The following CCDC50 variants were observed in gnomAD, a reference collection of about 807,000 sequenced individuals.
CCDC50 encodes the protein coiled-coil domain containing 50, also known as coiled-coil domain-containing protein 50.
Under a neutral mutation model 70.2 loss-of-function variants are expected in CCDC50, and 54 were observed. The observed-to-expected ratio is 0.77, with a 90% CI of 0.62 to 0.96. The LOEUF is 0.96. Ranked by LOEUF, CCDC50 falls within the 50% of genes least tolerant of loss-of-function variation. The probability of loss-of-function intolerance (pLI) is 0.00; values close to 1 mark genes in which losing one functional copy is unlikely to be tolerated. For synonymous variants in CCDC50, 216 were observed against 198.8 expected (o/e 1.09, Z -0.73); for missense variants, 558 against 578.7 (o/e 0.96, Z 0.37).
At chr3:191,361,983 A>G (rs1712506721) in intron 4 of CCDC50, among the ~76,000 whole-genome samples, 1 of 152,162 alleles carries the variant, frequency 6.6e-6, no homozygotes, top group African/African-American at 2.4e-5. Context: ...GTTAAAAAAA[A>G]CTAATCAGTT....
chr3:191,368,283 G>C (rs963589924), intron 4 of CCDC50, among the ~76,000 whole-genome samples: 1 of 152,048 alleles, frequency 6.6e-6, no homozygotes, highest in Admixed American at 6.5e-5. Flanking sequence ...ATGTTAAGTA[G>C]GATTATGATA....
intron 5 of CCDC50, among the ~76,000 whole-genome samples, chr3:191,373,693 C>A (rs1560167474): frequency 6.6e-6 from 1 of 151,120 alleles, no homozygotes; most frequent in Non-Finnish European, 1.5e-5. Flanking sequence ...GGTAATTCTT[C>A]TGTTTTGCTT....
intron 4 of CCDC50, 76 bp downstream of exon 4, chr3:191,361,235 C>A: frequency 9.7e-7 from 1 of 1,030,292 alleles, no homozygotes; most frequent in Non-Finnish European, 1.5e-6. Flanking sequence ...TTCTGTAGGT[C>A]ACGGGCTCAA....
At chr3:191,353,962 C>T (rs1712189325) in intron 1 of CCDC50, among the ~76,000 whole-genome samples, 2 of 152,120 alleles carry the variant, frequency 1.3e-5, no homozygotes, top group South Asian at 4.1e-4. Flanking sequence ...GAATATACTT[C>T]AGTCTTGCTG....
At chr3:191,370,640 C>T (rs1712880856) in intron 5 of CCDC50, among the ~76,000 whole-genome samples, 1 of 151,880 alleles carries the variant, frequency 6.6e-6, no homozygotes, top group Non-Finnish European at 1.5e-5. Context: ...AGGCATGTGC[C>T]ACCACGCCTG....
intron 1 of CCDC50, among the ~76,000 whole-genome samples, chr3:191,335,025 A>G (rs1397384212): frequency 6.6e-6 from 1 of 152,204 alleles, no homozygotes; most frequent in Non-Finnish European, 1.5e-5. Flanking sequence ...AAAGAGGCTA[A>G]TATTTAAAGG....
At chr3:191,335,106 G>A (rs373548166) in intron 1 of CCDC50, among the ~76,000 whole-genome samples, 73 of 152,298 alleles carry the variant, frequency 4.8e-4, no homozygotes, top group African/African-American at 1.4e-3. Context: ...GCCCTTGTTA[G>A]GGACTTAACA....
chr3:191,346,077 T>C (rs1711911768), intron 1 of CCDC50, among the ~76,000 whole-genome samples: 4 of 152,178 alleles, frequency 2.6e-5, no homozygotes, highest in Admixed American at 2.6e-4. Context: ...TCTTCTTACA[T>C]TGGTGTTCAG....
In CCDC50 at chr3:191,358,010, T is replaced by G; in HGVS notation, c.125T>G (p.Leu42Trp). Residue 42 changes from leucine to tryptophan, a missense_variant, in exon 3 of 12, where the codon TTG (leucine) becomes TGG (tryptophan). Leu to Trp is a moderately conservative substitution (Grantham distance 61). Coordinates refer to ENST00000392455, the MANE Select transcript of CCDC50 (RefSeq NM_178335.3). ...CTTTTTGTTCCAGTTGAGCATCATT[T>G]GGCATCGAACGTTCAGCGGAACCGT... ...SLQEQEIEHH[L>W]ASNVQRNRLV... is the part of the protein sequence containing the mutation. 6.2e-7 allele frequency: 1 copy of G among 1,614,016 alleles called. No individual in the cohort carries two copies. The highest frequency in any genetic ancestry group is 2.2e-5 in the East Asian group (1 of 44,882).
chr3:191,359,947 A>G lies in CCDC50; in HGVS notation c.240-1122A>G, dbSNP rs191036068. Among the ~76,000 whole-genome samples, 20 of 152,332 alleles carry G rather than the reference A, an allele frequency of 1.3e-4. No individual in the cohort carries two copies. In the South Asian group the frequency reaches 2.1e-3, roughly 16 times the overall value. On this transcript the variant is annotated intron_variant, in intron 3 of 11. Coordinates refer to ENST00000392455, the MANE Select transcript of CCDC50 (RefSeq NM_178335.3). The stretch of plus-strand genomic sequence containing the variant: ...AATCAGGAGTAGAGAGTGATATTTT[A>G]TAGGTCCTAAAGGAGAGAAGAACCG...
intron 9 of CCDC50, among the ~76,000 whole-genome samples, chr3:191,381,583 C>T (rs1392534747): frequency 6.6e-6 from 1 of 152,116 alleles, no homozygotes; most frequent in Non-Finnish European, 1.5e-5. Flanking sequence ...TAAGACAACA[C>T]TTTGGACCTC....
At chr3:191,351,972 C>T (rs1576954996) in intron 1 of CCDC50, among the ~76,000 whole-genome samples, 1 of 141,292 alleles carries the variant, frequency 7.1e-6, no homozygotes. Flanking sequence ...TTTAACTTAC[C>T]TTGAGATACA....
chr3:191,387,692 A>AC (rs1051822246), intron 10 of CCDC50, among the ~76,000 whole-genome samples: 2 of 152,100 alleles, frequency 1.3e-5, no homozygotes, highest in African/African-American at 4.8e-5. Flanking sequence ...GTTTATCCTT[A>AC]CATGGACATG....
At chr3:191,384,755 T>C (rs1274114611) in intron 10 of CCDC50, among the ~76,000 whole-genome samples, 1 of 152,188 alleles carries the variant, frequency 6.6e-6, no homozygotes, top group Non-Finnish European at 1.5e-5. Context: ...GTTTGTACTT[T>C]TATTGATCTT....
chr3:191,371,390 C>A (rs994144494), intron 5 of CCDC50, among the ~76,000 whole-genome samples: 1 of 152,128 alleles, frequency 6.6e-6, no homozygotes, highest in African/African-American at 2.4e-5. Flanking sequence ...CCTGTAGTTT[C>A]AAGTGTCAGT....
chr3:191,352,328 A>C (rs1560159707), intron 1 of CCDC50, among the ~76,000 whole-genome samples: 1 of 141,794 alleles, frequency 7.1e-6, no homozygotes, highest in Non-Finnish European at 1.6e-5. Context: ...CTCAATGAAA[A>C]TCATTCTTTA....
Position 191,375,174 on chromosome 3 carries a change from A to G in CCDC50, c.561A>G (p.Pro187=), listed in dbSNP as rs2108662792. Residue 187 remains proline (P), a synonymous_variant, in exon 6 of 12, where the codon CCA becomes CCG. Coordinates refer to ENST00000392455, the MANE Select transcript of CCDC50 (RefSeq NM_178335.3). The stretch of plus-strand genomic sequence containing the variant: ...ACAAGAAAGAGAAACCAGAACATCC[A>G]CTGGAGAACTTGGAAGAGCCAGAAC... ...VKHKKEKPEH[P]LENLEEPEQH... is the part of the protein sequence containing the mutation. 1 of 1,613,816 alleles carries G rather than the reference A, an allele frequency of 6.2e-7. No individual in the cohort carries two copies. The highest frequency in any genetic ancestry group is 8.5e-7 in the Non-Finnish European group (1 of 1,179,800).
chr3:191,356,079 A>G (rs887854445), intron 1 of CCDC50, among the ~76,000 whole-genome samples: 3 of 152,214 alleles, frequency 2.0e-5, no homozygotes, highest in Non-Finnish European at 4.4e-5. Flanking sequence ...GGAATGTTTC[A>G]TGAGTCCTAC....
At chr3:191,384,775 A>G (rs1302052757) in intron 10 of CCDC50, among the ~76,000 whole-genome samples, 1 of 152,142 alleles carries the variant, frequency 6.6e-6, no homozygotes, top group Admixed American at 6.6e-5. Flanking sequence ...TGTCACCCAG[A>G]TAGTGAACAG....
Sources: gnomAD v4.1 joint callset for allele counts (sites outside exome capture counted in the v4.1 genomes callset) on GRCh38, gnomAD v4.1.1 for gene constraint, MANE v1.5 for transcripts, NCBI Gene and HGNC (gene_info 2026-07-23, HGNC 2026-07-21) for gene names.